Variants in MFSD6 observed in about 807,000 individuals in gnomAD.
MFSD6 encodes major facilitator superfamily domain-containing protein 6.
Under a neutral mutation model 56.3 loss-of-function variants are expected in MFSD6, and 26 were observed. That is an observed-to-expected ratio of 0.46 (90% CI 0.34 to 0.64). The LOEUF is 0.64. MFSD6 is among the 30% of genes least tolerant of loss of function. MFSD6 has a pLI of 0.01. For missense variants in MFSD6, 750 were observed against 986.2 expected, an observed-to-expected ratio of 0.76 and a Z score of 3.21; for synonymous variants, 331 against 366.9, an observed-to-expected ratio of 0.90 and a Z score of 1.12.
rs143877786 is a variant in MFSD6, at chr2:190,496,678, G to GTA, written c.1892-756_1892-755dup. Among the ~76,000 whole-genome samples the GTA allele has an allele frequency of 0.015, 2,335 of 151,808 alleles. 60 individuals carry two copies. Among genetic ancestry groups the GTA allele is most frequent in the African/African-American group, 0.053 (2,196 of 41,338 alleles). On this transcript the variant is annotated intron_variant, in intron 6 of 7. Coordinates refer to ENST00000392328, the MANE Select transcript of MFSD6 (RefSeq NM_017694.4). This position sits in a 1 kb window ranked among gnomAD's most constrained non-coding sequence, Gnocchi z 4.7. ...TGTATATGTGTGTGTATGTGTGTGT[G>GTA]TATATACACACACACACATATACAT... is the stretch of plus-strand genomic sequence containing the variant.
chr2:190,469,944 A>C lies in MFSD6; in HGVS notation c.1630+89A>C. 1 of 870,518 alleles carries C rather than the reference A, an allele frequency of 1.1e-6. No homozygotes were observed. Among genetic ancestry groups the C allele is most frequent in the Non-Finnish European group, 1.8e-6 (1 of 546,978 alleles). 53.9% of individuals were successfully genotyped at this position (870,518 alleles called of 1,614,324 possible). A position where few individuals can be genotyped will look rare whatever the true frequency, so the allele number is the denominator to read the frequency against. ...GTGGCCTTCAGCATCTGATTCTATA[A>C]AGGAAGGGCAGGCCTACTGTTTCAT... On this transcript the variant is annotated intron_variant, in intron 4 of 7. Transcript: ENST00000392328. The surrounding 1 kb of genome is among the most constrained non-coding windows in gnomAD (Gnocchi z 5.3).
rs1254979606 is a variant in MFSD6, at chr2:190,434,803, T to C, written c.-53-1174T>C. Among the ~76,000 whole-genome samples, 2 of 152,200 alleles carry C rather than the reference T, an allele frequency of 1.3e-5. No homozygotes were observed. The highest frequency in any genetic ancestry group is 6.5e-5 in the Admixed American group (1 of 15,278). On this transcript the variant is annotated intron_variant, in intron 2 of 7. Transcript: ENST00000392328. This position sits in a 1 kb window ranked among gnomAD's most constrained non-coding sequence, Gnocchi z 4.3. ...TGTTATTTTTCAGTTTAGTGTGTCTTAGAGCAGGGTTCCCCAACCCCTGGA... is the reference window on the plus strand; with the variant it reads ...TGTTATTTTTCAGTTTAGTGTGTCTCAGAGCAGGGTTCCCCAACCCCTGGA...
intron 4 of MFSD6, among the ~76,000 whole-genome samples, chr2:190,474,581 A>G (rs867154786): frequency 6.6e-6 from 1 of 152,240 alleles, no homozygotes; most frequent in Non-Finnish European, 1.5e-5. Flanking sequence ...TTAATAGCTT[A>G]CCAACCAAAA....
In MFSD6 at chr2:190,452,701, G is replaced by T. The variant is rs559504179; in HGVS notation, c.1532+15140G>T. Among the ~76,000 whole-genome samples, 7 of 152,200 alleles carry T rather than the reference G, an allele frequency of 4.6e-5. No homozygotes were observed. The South Asian group carries it at 1.5e-3, about 32-fold the overall frequency. ...AATGCCTGGTATCACTTTTTCAATG[G>T]TTTCAACCACCCTCCTATGTCTCTT... On this transcript the variant is annotated intron_variant, in intron 3 of 7. Coordinates refer to ENST00000392328, the MANE Select transcript of MFSD6 (RefSeq NM_017694.4).
chr2:190,455,019 ATG>A (rs1686954073), intron 3 of MFSD6, among the ~76,000 whole-genome samples: 2 of 149,214 alleles, frequency 1.3e-5, no homozygotes, highest in African/African-American at 2.4e-5. Context: ...GTATATGTAT[ATG>A]TGTGTTGGTA....
Position 190,469,771 on chromosome 2 carries a change from G to A in MFSD6, c.1546G>A (p.Gly516Ser). ...ATTTTTTTTTAGGGTTCTGTACATT[G>A]GCCTGGCCTGCAATACGGCTCGCTA... ...LIGHIRVLYI[G>S]LACNTARYIY... The change falls in exon 4 of 8, where the codon GGC becomes AGC. Residue 516 changes from glycine to serine, a missense_variant. Around this residue, in one of 5 missense-constraint regions of MFSD6, gnomAD observed 125 missense variants for 223.1 expected, o/e 0.56. Coordinates refer to ENST00000392328, the MANE Select transcript of MFSD6 (RefSeq NM_017694.4). This position sits in a 1 kb window ranked among gnomAD's most constrained non-coding sequence, Gnocchi z 5.3. 2 of 1,585,808 alleles carry A rather than the reference G, an allele frequency of 1.3e-6. No homozygotes were observed. Among genetic ancestry groups the A allele is most frequent in the Non-Finnish European group, 1.7e-6 (2 of 1,163,372 alleles).
chr2:190,436,646 T>A lies in MFSD6; in HGVS notation c.617T>A (p.Leu206His). The A allele has an allele frequency of 6.2e-7, 1 of 1,614,200 alleles. No individual in the cohort carries two copies. Among genetic ancestry groups the A allele is most frequent in the South Asian group, 1.1e-5 (1 of 91,086 alleles). ...REKRNLLETR[L>H]NVSDTVTLPT... ...AAAAGAAACCTTTTGGAAACAAGGCTCAATGTCTCAGACACCGTTACTTTG... is the reference window on the plus strand; with the variant it reads ...AAAAGAAACCTTTTGGAAACAAGGCACAATGTCTCAGACACCGTTACTTTG... The change falls in exon 3 of 8, where the codon CTC becomes CAC. Residue 206 changes from leucine (L) to histidine (H), a missense_variant. Physicochemically the swap from Leu to His is moderately conservative, Grantham distance 99. Transcript: ENST00000392328. This position sits in a 1 kb window ranked among gnomAD's most constrained non-coding sequence, Gnocchi z 5.3.
rs1686446357 is a variant in MFSD6, at chr2:190,443,195, A to G, written c.1532+5634A>G. ...CTAAGACATAAGCAAGGGAGAAAAA[A>G]AATAAAAGGAACAGGACTTTAAGGA... On this transcript the variant is annotated intron_variant, in intron 3 of 7. Transcript: ENST00000392328. The surrounding 1 kb of genome is among the most constrained non-coding windows in gnomAD (Gnocchi z 4.2). Among the ~76,000 whole-genome samples the G allele has an allele frequency of 6.6e-6, 1 of 152,192 alleles. No individual in the cohort carries two copies. Among genetic ancestry groups the G allele is most frequent in the South Asian group, 2.1e-4 (1 of 4,832 alleles).
rs1044559840 is a variant in MFSD6, at chr2:190,443,584, T to G, written c.1532+6023T>G. On this transcript the variant is annotated intron_variant, in intron 3 of 7. Coordinates refer to ENST00000392328, the MANE Select transcript of MFSD6 (RefSeq NM_017694.4). This position sits in a 1 kb window ranked among gnomAD's most constrained non-coding sequence, Gnocchi z 4.2. ...CCTGCAAAGTCAAGATGTTTATGAT[T>G]TTCAAAATAACTAACATTCCCCCTT... Among the ~76,000 whole-genome samples the G allele has an allele frequency of 6.6e-6, 1 of 152,258 alleles. No individual in the cohort carries two copies.
At chr2:190,474,571 T>C (rs1479050585) in intron 4 of MFSD6, among the ~76,000 whole-genome samples, 3 of 152,168 alleles carry the variant, frequency 2.0e-5, no homozygotes, top group South Asian at 2.1e-4. Flanking sequence ...GAGGCAATAA[T>C]TAATAGCTTA....
chr2:190,419,620 G>A (rs1020390380), intron 2 of MFSD6, among the ~76,000 whole-genome samples: 2 of 152,204 alleles, frequency 1.3e-5, no homozygotes, highest in African/African-American at 4.8e-5. Flanking sequence ...TCCAAATAAT[G>A]TATTCGATCT....
At position 190,490,093 on chromosome 2, in the gene MFSD6, GTTTGTT is replaced by G. The variant is rs1689246837; in HGVS notation, c.1891+230_1891+235del. Among the ~76,000 whole-genome samples, 3 of 141,168 alleles carry G rather than the reference GTTTGTT, an allele frequency of 2.1e-5. No individual in the cohort carries two copies. The South Asian group carries it at 7.2e-4, about 34-fold the overall frequency. 92.6% of individuals were successfully genotyped at this position (141,168 alleles called of 152,430 possible). A position where few individuals can be genotyped will look rare whatever the true frequency, so the allele number is the denominator to read the frequency against. On this transcript the variant is annotated intron_variant, in intron 6 of 7. Transcript: ENST00000392328. This position sits in a 1 kb window ranked among gnomAD's most constrained non-coding sequence, Gnocchi z 4.5. Reference sequence around the variant, plus strand: ...CTTGGGGTTTTCTTGTTTTTTGTTTGTTTGTTTTCTTTTATAATACAAGGTACTAGG... The same window carrying G: ...CTTGGGGTTTTCTTGTTTTTTGTTTGTTCTTTTATAATACAAGGTACTAGG...
At chr2:190,420,425 C>T (rs1685569611) in intron 2 of MFSD6, among the ~76,000 whole-genome samples, 1 of 152,080 alleles carries the variant, frequency 6.6e-6, no homozygotes, top group Non-Finnish European at 1.5e-5. Context: ...GACCTCTTCT[C>T]AATCTAATTA....
chr2:190,484,184 A>T (rs1382994662), intron 4 of MFSD6, among the ~76,000 whole-genome samples: 6 of 152,206 alleles, frequency 3.9e-5, no homozygotes, highest in African/African-American at 1.4e-4. Flanking sequence ...CATTGCAAGG[A>T]GAGTCAGTTC....
rs1444716001 is a variant in MFSD6 at position 190,416,050 on chromosome 2, G to A, written c.-54+637G>A. ...TATTTGAAAGGTAGAAGGAAATGAA[G>A]TTCTGGGGCCTGCTTCAAATTTATA... On this transcript the variant is annotated intron_variant, in intron 2 of 7. Transcript: ENST00000392328. The surrounding 1 kb of genome is among the most constrained non-coding windows in gnomAD (Gnocchi z 4.1). Among the ~76,000 whole-genome samples, 1 of 152,178 alleles carries A rather than the reference G, an allele frequency of 6.6e-6. No individual in the cohort carries two copies. The highest frequency in any genetic ancestry group is 2.4e-5 in the African/African-American group (1 of 41,440).
intron 4 of MFSD6, among the ~76,000 whole-genome samples, chr2:190,472,351 T>C (rs979169269): frequency 1.2e-4 from 19 of 152,048 alleles, no homozygotes; most frequent in African/African-American, 4.6e-4. Flanking sequence ...AAAGATTAGA[T>C]GAATGGCTAA....
rs975966917 is a variant in MFSD6 at position 190,488,901 on chromosome 2, T to C, written c.1792+83T>C. The C allele has an allele frequency of 2.3e-6, 3 of 1,294,760 alleles. No homozygotes were observed. The African/African-American group carries it at 4.6e-5, about 20-fold the overall frequency. The allele number at this position is 1,294,760 out of a possible 1,614,324, so 80.2% of individuals were successfully genotyped here. A position where few individuals can be genotyped will look rare whatever the true frequency, so the allele number is the denominator to read the frequency against. On this transcript the variant is annotated intron_variant, in intron 5 of 7. Transcript: ENST00000392328. This position sits in a 1 kb window ranked among gnomAD's most constrained non-coding sequence, Gnocchi z 6.4. ...GCAATACCTCAATAAACAATCCAAT[T>C]ATTACTGAAGATTGCCCAAAGCTAA...
chr2:190,436,042 A>G lies in MFSD6; in HGVS notation c.13A>G (p.Lys5Glu), dbSNP rs1284604857. The change falls in exon 3 of 8, where the codon AAA becomes GAA. Residue 5 changes from lysine (K) to glutamate (E), a missense_variant. Lys to Glu is a moderately conservative substitution (Grantham distance 56). Around this residue, in one of 5 missense-constraint regions of MFSD6, gnomAD observed 76 missense variants for 101.9 expected, o/e 0.75. Coordinates refer to ENST00000392328, the MANE Select transcript of MFSD6 (RefSeq NM_017694.4). This position sits in a 1 kb window ranked among gnomAD's most constrained non-coding sequence, Gnocchi z 5.3. The part of the protein sequence containing the change: MADD[K>E]VAILTDDEEE... ...GTGGTGGTAAGCCATGGCAGATGAT[A>G]AAGTTGCTATCTTAACGGATGATGA... is the stretch of plus-strand genomic sequence containing the variant. 6.2e-7 allele frequency: 1 copy of G among 1,609,726 alleles called. No individual in the cohort carries two copies. The highest frequency in any genetic ancestry group is 1.1e-5 in the South Asian group (1 of 90,814).
chr2:190,421,718 G>C (rs970003734), intron 2 of MFSD6, among the ~76,000 whole-genome samples: 1 of 144,582 alleles, frequency 6.9e-6, no homozygotes, highest in East Asian at 2.0e-4. Flanking sequence ...ACCATACCTG[G>C]CTAACTTAAA....
Sources: allele counts gnomAD v4.1 joint callset (sites outside exome capture counted in the v4.1 genomes callset), GRCh38; gene constraint gnomAD v4.1.1; regional missense constraint gnomAD v4.1.1; non-coding constraint Gnocchi (gnomAD v3.1); transcripts MANE v1.5; gene names NCBI Gene and HGNC (gene_info 2026-07-23, HGNC 2026-07-21).